Variants in PHACTR1 observed in about 807,000 individuals in gnomAD.
PHACTR1 encodes the protein RPEL repeat containing 1.
PHACTR1 carries 16 observed loss-of-function variants against 69.2 expected under a neutral mutation model. That is an observed-to-expected ratio of 0.23 (90% CI 0.16 to 0.35). The LOEUF (loss-of-function observed/expected upper bound fraction) is 0.35, where lower values mean the gene tolerates loss of function less well. Ranked by LOEUF, PHACTR1 falls within the 10% of genes least tolerant of loss-of-function variation. PHACTR1 has a pLI of 1.00. For missense variants in PHACTR1, 510 were observed against 734.7 expected, an observed-to-expected ratio of 0.69 and a Z score of 3.54; for synonymous variants, 312 against 284.5, an observed-to-expected ratio of 1.10 and a Z score of -0.97.
chr6:12,972,277 A>G (rs897002490), intron 4 of PHACTR1, among the ~76,000 whole-genome samples: 1 of 152,074 alleles, frequency 6.6e-6, no homozygotes, highest in African/African-American at 2.4e-5. Flanking sequence ...TGCTCTTTCT[A>G]CTCCACTCTG....
At chr6:13,109,184 A>C (rs11751831) in intron 5 of PHACTR1, among the ~76,000 whole-genome samples, 31,829 of 151,944 alleles carry the variant, frequency 0.21, 3,437 homozygotes, top group Middle Eastern at 0.24. Flanking sequence ...TTATACAGGT[A>C]ATTATCTTTT....
chr6:12,970,116 A>AC (rs1395556042), intron 4 of PHACTR1, among the ~76,000 whole-genome samples: 1 of 152,206 alleles, frequency 6.6e-6, no homozygotes, highest in African/African-American at 2.4e-5. Context: ...TGGATGAGTC[A>AC]CCTGCAAAGT....
chr6:12,881,216 G>A (rs1783063700), intron 4 of PHACTR1, among the ~76,000 whole-genome samples: 1 of 152,194 alleles, frequency 6.6e-6, no homozygotes. Flanking sequence ...GACAGTGGGG[G>A]CTCTTGTTGC....
chr6:12,821,991 G>A (rs1428301149), intron 4 of PHACTR1, among the ~76,000 whole-genome samples: 1 of 152,198 alleles, frequency 6.6e-6, no homozygotes, highest in Non-Finnish European at 1.5e-5. Context: ...AGCCCCATGA[G>A]GAGACCATAG....
chr6:12,870,161 A>G (rs1481299848), intron 4 of PHACTR1, among the ~76,000 whole-genome samples: 1 of 152,194 alleles, frequency 6.6e-6, no homozygotes, highest in East Asian at 1.9e-4. Context: ...TGTATCAACA[A>G]CATCTCTAAT....
chr6:13,134,969 C>T (rs891559778), intron 5 of PHACTR1, among the ~76,000 whole-genome samples: 4 of 152,096 alleles, frequency 2.6e-5, no homozygotes, highest in South Asian at 4.2e-4. Flanking sequence ...TCAGGCTCTT[C>T]GCCACTTCAC....
chr6:12,960,201 G>A lies in PHACTR1; in HGVS notation c.251-93164G>A, dbSNP rs574787349. ...GTAACATTGCTTTACCTCACAGGCT[G>A]TATGGGAAGTAAATTATATAGAACA... On this transcript the variant is annotated intron_variant, in intron 4 of 14. Transcript: ENST00000332995. Among the ~76,000 whole-genome samples, 5 of 152,334 alleles carry A rather than the reference G, an allele frequency of 3.3e-5. No homozygotes were observed. The East Asian group carries it at 9.6e-4, about 29-fold the overall frequency.
chr6:13,134,507 C>G (rs956280918), intron 5 of PHACTR1, among the ~76,000 whole-genome samples: 2 of 152,148 alleles, frequency 1.3e-5, no homozygotes, highest in African/African-American at 4.8e-5. Context: ...ACCCCTTGCT[C>G]TCTGAAACAT....
intron 6 of PHACTR1, among the ~76,000 whole-genome samples, chr6:13,177,334 T>A (rs186670529): frequency 1.3e-4 from 20 of 151,734 alleles, no homozygotes; most frequent in Non-Finnish European, 2.4e-4. Flanking sequence ...AGCAAGACAC[T>A]CTCTGTCTGT....
At chr6:13,148,539 T>G (rs1184766394) in intron 5 of PHACTR1, among the ~76,000 whole-genome samples, 1 of 152,224 alleles carries the variant, frequency 6.6e-6, no homozygotes, top group African/African-American at 2.4e-5. Flanking sequence ...AAGAATGCAC[T>G]TTTGACAGCA....
intron 6 of PHACTR1, among the ~76,000 whole-genome samples, chr6:13,160,899 A>T (rs1758893226): frequency 1.3e-5 from 2 of 152,214 alleles, no homozygotes; most frequent in Admixed American, 1.3e-4. Flanking sequence ...TTGCCTTTGA[A>T]TATGAACGTA....
intron 4 of PHACTR1, among the ~76,000 whole-genome samples, chr6:12,901,256 T>C (rs1785157930): frequency 6.6e-6 from 1 of 152,188 alleles, no homozygotes; most frequent in Admixed American, 6.5e-5. Flanking sequence ...CCAAAAACAT[T>C]ACTACAGCCT....
chr6:12,724,130 C>A (rs758953844), intron 3 of PHACTR1, among the ~76,000 whole-genome samples: 3 of 152,032 alleles, frequency 2.0e-5, no homozygotes, highest in Non-Finnish European at 4.4e-5. Context: ...GAGTTCGAGA[C>A]CAATCTAGCC....
intron 14 of PHACTR1, among the ~76,000 whole-genome samples, 162 bp downstream of exon 14, chr6:13,286,384 C>T (rs570371281): frequency 1.3e-5 from 2 of 152,216 alleles, no homozygotes; most frequent in South Asian, 2.1e-4. Flanking sequence ...GTTACTGAAA[C>T]GAGGAAGTGG....
chr6:12,818,970 G>A (rs536094011), intron 4 of PHACTR1, among the ~76,000 whole-genome samples: 1 of 152,256 alleles, frequency 6.6e-6, no homozygotes, highest in Admixed American at 6.5e-5. Flanking sequence ...GATATGAGCT[G>A]GAAATAAAGC....
intron 5 of PHACTR1, among the ~76,000 whole-genome samples, chr6:13,054,407 C>G (rs2127738557): frequency 6.6e-6 from 1 of 152,316 alleles, no homozygotes; most frequent in East Asian, 1.9e-4. Flanking sequence ...TGGTTTTGGT[C>G]TGTTTGGGCT....
intron 5 of PHACTR1, among the ~76,000 whole-genome samples, chr6:13,124,496 C>A (rs964759274): frequency 2.0e-5 from 3 of 152,138 alleles, no homozygotes; most frequent in African/African-American, 7.2e-5. Flanking sequence ...TTCCTTCATA[C>A]CCCCCTCACC....
chr6:12,941,125 G>A (rs1790013466), intron 4 of PHACTR1, among the ~76,000 whole-genome samples: 1 of 152,096 alleles, frequency 6.6e-6, no homozygotes, highest in Non-Finnish European at 1.5e-5. Flanking sequence ...TCAGGGTCAA[G>A]GGCACTCCAC....
chr6:13,025,627 A>G (rs537961916), intron 4 of PHACTR1, among the ~76,000 whole-genome samples: 1 of 151,218 alleles, frequency 6.6e-6, no homozygotes, highest in Non-Finnish European at 1.5e-5. Context: ...TAATAGAATA[A>G]CCTGTGATGT....
Sources: allele counts gnomAD v4.1 joint callset (sites outside exome capture counted in the v4.1 genomes callset), GRCh38; gene constraint gnomAD v4.1.1; transcripts MANE v1.5; gene names NCBI Gene and HGNC (gene_info 2026-07-23, HGNC 2026-07-21).